KCNT1: variants seen among roughly 807,000 people sequenced by gnomAD.
KCNT1 encodes the protein potassium channel subfamily T member 1.
Under a neutral mutation model 147.8 loss-of-function variants are expected in KCNT1, and 78 were observed. The ratio of observed to expected loss-of-function variants is 0.53; its 90% CI spans 0.44 to 0.64. KCNT1 has a LOEUF of 0.64. KCNT1 is among the 30% of genes least tolerant of loss of function. KCNT1 has a pLI of 0.00. For missense variants in KCNT1, 1,419 were observed against 1,750.3 expected, an observed-to-expected ratio of 0.81 and a Z score of 3.38; for synonymous variants, 867 against 748.8, an observed-to-expected ratio of 1.16 and a Z score of -2.58.
intron 2 of KCNT1, among the ~76,000 whole-genome samples, chr9:135,743,591 G>A (rs563977526): frequency 3.9e-5 from 6 of 152,184 alleles, no homozygotes; most frequent in African/African-American, 9.7e-5. Flanking sequence ...AGAGGGTGAC[G>A]GGTGTGAGAT....
chr9:135,722,176 C>T (rs758089967), intron 2 of KCNT1, among the ~76,000 whole-genome samples: 10 of 152,138 alleles, frequency 6.6e-5, no homozygotes, highest in Non-Finnish European at 1.5e-4. Flanking sequence ...TCAGCCTGTG[C>T]GTCTTTATGA....
At chr9:135,716,316 T>G (rs1835719385) in intron 2 of KCNT1, among the ~76,000 whole-genome samples, 1 of 152,156 alleles carries the variant, frequency 6.6e-6, no homozygotes, top group Non-Finnish European at 1.5e-5. Flanking sequence ...GATCAAATTG[T>G]AATGCTGTAT....
intron 24 of KCNT1, among the ~76,000 whole-genome samples, chr9:135,781,343 C>T (rs1423300853): frequency 1.3e-5 from 2 of 152,122 alleles, no homozygotes; most frequent in Non-Finnish European, 2.9e-5. Context: ...GACGTGGAGC[C>T]GAGGGAGGAG....
chr9:135,736,549 C>T (rs1391681034), intron 2 of KCNT1: 2 of 151,060 alleles, frequency 1.3e-5, no homozygotes, highest in Admixed American at 6.6e-5. Context: ...GTGGGGAGGG[C>T]GCGGCGCGAG....
At chr9:135,763,491 C>T (rs1343515259) in intron 11 of KCNT1, among the ~76,000 whole-genome samples, 1 of 152,222 alleles carries the variant, frequency 6.6e-6, no homozygotes. Flanking sequence ...TATCCTCCGC[C>T]AGCCCTGGAG....
chr9:135,765,022 C>A lies in KCNT1; in HGVS notation c.1036-9C>A. On this transcript the variant is annotated splice_polypyrimidine_tract_variant and intron_variant, in intron 11 of 30. Transcript: ENST00000371757. ...TGGTCGCTGGTGCTCACCTGTTTCT[C>A]ACCTGCAGTTCGAGGAGCTCGTCTA... 2 of 1,602,506 alleles carry A rather than the reference C, an allele frequency of 1.2e-6. No homozygotes were observed. The highest frequency in any genetic ancestry group is 1.1e-5 in the South Asian group (1 of 90,848).
At chr9:135,731,177 C>T (rs2131360680) in intron 2 of KCNT1, among the ~76,000 whole-genome samples, 1 of 152,174 alleles carries the variant, frequency 6.6e-6, no homozygotes, top group South Asian at 2.1e-4. Context: ...CCCCATTCCT[C>T]TTTGCAACTT....
At chr9:135,734,828 C>T (rs1198838366) in intron 2 of KCNT1, among the ~76,000 whole-genome samples, 2 of 152,162 alleles carry the variant, frequency 1.3e-5, no homozygotes, top group Non-Finnish European at 2.9e-5. Context: ...CTCCCAGCTT[C>T]CTCCCCGCCC....
chr9:135,791,966 G>A (rs753458442), intron 30 of KCNT1, 75 bp from the exon 31 acceptor site: 28 of 1,609,012 alleles, frequency 1.7e-5, no homozygotes, highest in South Asian at 3.3e-5. Flanking sequence ...CACCACAGTG[G>A]GGCCGCTCAG....
chr9:135,775,001 T>A (rs112366773), intron 19 of KCNT1, among the ~76,000 whole-genome samples: 1 of 152,108 alleles, frequency 6.6e-6, no homozygotes, highest in Non-Finnish European at 1.5e-5. Flanking sequence ...GCACGGGTCC[T>A]TAAGGTTCGG....
intron 4 of KCNT1, chr9:135,751,984 G>C: frequency 1.0e-5 from 2 of 196,250 alleles, no homozygotes; most frequent in South Asian, 1.8e-4. Flanking sequence ...CCTGTTTTAC[G>C]CTTTCCCCAT....
intron 22 of KCNT1, 29 bp downstream of exon 22, chr9:135,778,524 G>C (rs1417610882): frequency 6.2e-7 from 1 of 1,600,764 alleles, no homozygotes; most frequent in Admixed American, 1.7e-5. Flanking sequence ...AGGCTCGTGG[G>C]GGCTCCACAC....
At chr9:135,775,128 G>A (rs182260637) in intron 19 of KCNT1, among the ~76,000 whole-genome samples, 182 bp from the exon 20 acceptor site, 25 of 152,324 alleles carry the variant, frequency 1.6e-4, no homozygotes, top group African/African-American at 4.6e-4. Context: ...CTGGAGGAGC[G>A]TTTGCTGATG....
At position 135,753,015 on chromosome 9, in the gene KCNT1, G is replaced by T. The variant is rs561158348; in HGVS notation, c.435-922G>T. 2.3e-4 allele frequency among the ~76,000 whole-genome samples: 34 copies of T among 147,344 alleles called. 1 individual carries two copies. Among genetic ancestry groups the T allele is most frequent in the Non-Finnish European group, 2.4e-4 (16 of 66,836 alleles). ...AGGGATGAGTGGATGGATGGATGGA[G>T]GGATGGATGGATGGACAGATGAGTA... On this transcript the variant is annotated intron_variant, in intron 4 of 30. Coordinates refer to ENST00000371757, the MANE Select transcript of KCNT1 (RefSeq NM_020822.3).
intron 29 of KCNT1, chr9:135,788,260 A>G: frequency 9.5e-7 from 1 of 1,056,178 alleles, no homozygotes; most frequent in Non-Finnish European, 1.5e-6. Context: ...AGGCAGGTGG[A>G]CAGGAGCTGT....
At chr9:135,718,386 C>A (rs913658517) in intron 2 of KCNT1, among the ~76,000 whole-genome samples, 1 of 152,162 alleles carries the variant, frequency 6.6e-6, no homozygotes, top group Admixed American at 6.5e-5. Flanking sequence ...ACCTGCCTGC[C>A]GGCTCTGGGT....
At position 135,714,808 on chromosome 9, in the gene KCNT1, C is replaced by T. The variant is rs1835655677; in HGVS notation, c.254+88C>T. ...CTGTCCGCGGTGCTGACGGCCGGTC[C>T]CGCGCGCCCCCGCAGCCGCCGGCGC... On this transcript the variant is annotated intron_variant, in intron 2 of 30. Coordinates refer to ENST00000371757, the MANE Select transcript of KCNT1 (RefSeq NM_020822.3). The surrounding 1 kb of genome is among the most constrained non-coding windows in gnomAD (Gnocchi z 6.2). The T allele has an allele frequency of 1.1e-6, 1 of 942,180 alleles. No individual in the cohort carries two copies. The highest frequency in any genetic ancestry group is 5.2e-5 in the Admixed American group (1 of 19,370). 58.4% of individuals were successfully genotyped at this position (942,180 alleles called of 1,614,324 possible).
intron 5 of KCNT1, among the ~76,000 whole-genome samples, chr9:135,754,829 G>T (rs376145505): frequency 6.6e-6 from 1 of 152,208 alleles, no homozygotes; most frequent in Non-Finnish European, 1.5e-5. Flanking sequence ...GTAGTGTCAT[G>T]GGCTGCAGGC....
At chr9:135,759,580 C>T (rs368407691) in intron 10 of KCNT1, 99 bp from the exon 11 acceptor site, 1 of 1,331,414 alleles carries the variant, frequency 7.5e-7, no homozygotes. Context: ...AGCTCAGTCT[C>T]CTGGGCAGTG....
Sources: allele counts gnomAD v4.1 joint callset (sites outside exome capture counted in the v4.1 genomes callset), GRCh38; gene constraint gnomAD v4.1.1; non-coding constraint Gnocchi (gnomAD v3.1); transcripts MANE v1.5; gene names NCBI Gene and HGNC (gene_info 2026-07-23, HGNC 2026-07-21).